The following TTC7B variants were observed in gnomAD, a reference collection of about 807,000 sequenced individuals.
TTC7B encodes tetratricopeptide repeat domain 7B, also known as tetratricopeptide repeat protein 7B.
A neutral mutation model predicts 106.8 loss-of-function variants in TTC7B; 28 were observed. That is an observed-to-expected ratio of 0.26 (90% CI 0.19 to 0.36). The LOEUF (loss-of-function observed/expected upper bound fraction) is 0.36, where lower values mean the gene tolerates loss of function less well. Ranked by LOEUF, TTC7B falls within the 10% of genes least tolerant of loss-of-function variation. The pLI, the probability that TTC7B is intolerant of heterozygous loss-of-function variation, is 1.00. For synonymous variants in TTC7B, 405 were observed against 430.6 expected, an observed-to-expected ratio of 0.94 and a Z score of 0.74; for missense variants, 862 against 1,076.4, an observed-to-expected ratio of 0.80 and a Z score of 2.79.
intron 1 of TTC7B, among the ~76,000 whole-genome samples, chr14:90,796,464 G>A (rs1891779220): frequency 6.6e-6 from 1 of 152,184 alleles, no homozygotes; most frequent in Non-Finnish European, 1.5e-5. Context: ...GAGCCCTGTG[G>A]CTGGCACAGT....
chr14:90,594,097 T>C (rs1049828578), intron 17 of TTC7B, among the ~76,000 whole-genome samples: 3 of 152,194 alleles, frequency 2.0e-5, no homozygotes, highest in Non-Finnish European at 4.4e-5. Flanking sequence ...TCCCGTTTCA[T>C]TAGTGCAAGC....
chr14:90,679,039 C>G (rs1280004593), intron 8 of TTC7B, among the ~76,000 whole-genome samples: 1 of 152,174 alleles, frequency 6.6e-6, no homozygotes. Flanking sequence ...GGTGGGGAAG[C>G]CTGTGGAGAC....
intron 3 of TTC7B, among the ~76,000 whole-genome samples, chr14:90,754,209 G>T (rs1566871389): frequency 6.6e-6 from 1 of 152,186 alleles, no homozygotes; most frequent in Non-Finnish European, 1.5e-5. Flanking sequence ...TGTACAACTG[G>T]TAAGTAAGTG....
At chr14:90,736,642 T>C (rs1889540479) in intron 4 of TTC7B, among the ~76,000 whole-genome samples, 2 of 151,912 alleles carry the variant, frequency 1.3e-5, no homozygotes, top group African/African-American at 2.4e-5. Context: ...CACAGTACTT[T>C]GGGAGACTAA....
At chr14:90,675,671 G>A (rs1034770855) in intron 9 of TTC7B, among the ~76,000 whole-genome samples, 12 of 152,236 alleles carry the variant, frequency 7.9e-5, no homozygotes, top group East Asian at 3.9e-4. Context: ...AGGGTGAGTC[G>A]GGCACTTATC....
At chr14:90,625,920 A>G (rs78424155) in intron 15 of TTC7B, among the ~76,000 whole-genome samples, 1,775 of 152,324 alleles carry the variant, frequency 0.012, 30 homozygotes, top group African/African-American at 0.04. Context: ...CAAAGCTGGA[A>G]AAGGCCTTGA....
intron 1 of TTC7B, among the ~76,000 whole-genome samples, chr14:90,813,687 T>C (rs1032351311): frequency 5.9e-5 from 9 of 151,724 alleles, no homozygotes; most frequent in East Asian, 3.9e-4. Flanking sequence ...TTTTTTTTTT[T>C]CGCCTGTGGT....
intron 3 of TTC7B, among the ~76,000 whole-genome samples, chr14:90,771,052 G>T (rs1211410783): frequency 2.0e-5 from 3 of 152,130 alleles, no homozygotes; most frequent in African/African-American, 7.2e-5. Flanking sequence ...GGGTGGGAGG[G>T]GAATGGGGAG....
At chr14:90,572,443 C>T (rs1891071747) in intron 19 of TTC7B, among the ~76,000 whole-genome samples, 1 of 152,368 alleles carries the variant, frequency 6.6e-6, no homozygotes, top group Non-Finnish European at 1.5e-5. Context: ...ATCTGCCGCA[C>T]CTTCGGGTAT....
At chr14:90,667,318 G>C (rs1306687527) in intron 9 of TTC7B, among the ~76,000 whole-genome samples, 1 of 152,212 alleles carries the variant, frequency 6.6e-6, no homozygotes, top group African/African-American at 2.4e-5. Flanking sequence ...GAGTACTGGA[G>C]TTGCCAAGAC....
At position 90,808,691 on chromosome 14, in the gene TTC7B, TG is replaced by T. The variant is rs985005723; in HGVS notation, c.121+7483del. On this transcript the variant is annotated intron_variant, in intron 1 of 19. Coordinates refer to ENST00000328459, the MANE Select transcript of TTC7B (RefSeq NM_001010854.2). This position sits in a 1 kb window ranked among gnomAD's most constrained non-coding sequence, Gnocchi z 4.2. Reference sequence around the variant, plus strand: ...TCCTTGTCTTGGTGGCTGATGGGAATGCTTTTGAGGTCTCAGAAAACCTCAT... The same window carrying T: ...TCCTTGTCTTGGTGGCTGATGGGAATCTTTTGAGGTCTCAGAAAACCTCAT... 2.6e-5 allele frequency among the ~76,000 whole-genome samples: 4 copies of T among 152,200 alleles called. No individual in the cohort carries two copies. Among genetic ancestry groups the T allele is most frequent in the Non-Finnish European group, 4.4e-5 (3 of 68,022 alleles).
chr14:90,531,650 G>A lies in TTC7B; in HGVS notation c.*9718C>T, dbSNP rs1465538090. The stretch of plus-strand genomic sequence containing the variant: ...AAAAAAAAAAAAAAAAAAAGCCGTG[G>A]GTGAACTGGCTTCATTTCTATACAG... On this transcript the variant is annotated 3_prime_UTR_variant, in exon 20 of 20. Transcript: ENST00000328459. 1.3e-5 allele frequency: 2 copies of A among 151,482 alleles called. No individual in the cohort carries two copies. The highest frequency in any genetic ancestry group is 6.6e-5 in the Admixed American group (1 of 15,186). 9.4% of individuals were successfully genotyped at this position (151,482 alleles called of 1,614,324 possible).
At chr14:90,752,282 C>T (rs1890160459) in intron 3 of TTC7B, among the ~76,000 whole-genome samples, 1 of 152,108 alleles carries the variant, frequency 6.6e-6, no homozygotes. Flanking sequence ...CTTTGGGAGG[C>T]CAAGGTGGGA....
In TTC7B at chr14:90,600,356, G is replaced by A. The variant is rs1364201061; in HGVS notation, c.1967-6730C>T. Among the ~76,000 whole-genome samples, 1 of 152,140 alleles carries A rather than the reference G, an allele frequency of 6.6e-6. No individual in the cohort carries two copies. Among genetic ancestry groups the A allele is most frequent in the Non-Finnish European group, 1.5e-5 (1 of 68,008 alleles). On this transcript the variant is annotated intron_variant, in intron 17 of 19. Transcript: ENST00000328459. This position sits in a 1 kb window ranked among gnomAD's most constrained non-coding sequence, Gnocchi z 4.3. ...TCCATCTGCTGCTTCCCTGGGAGCTGCCCTCGCGCCTTGTGTCCCCCAGTG... is the reference window on the plus strand; with the variant it reads ...TCCATCTGCTGCTTCCCTGGGAGCTACCCTCGCGCCTTGTGTCCCCCAGTG...
chr14:90,715,163 C>A (rs754707922), intron 5 of TTC7B, among the ~76,000 whole-genome samples: 1 of 152,194 alleles, frequency 6.6e-6, no homozygotes, highest in African/African-American at 2.4e-5. Flanking sequence ...GTTCCCAGAC[C>A]CATCCGATGC....
chr14:90,558,352 G>A (rs571413290), intron 19 of TTC7B, among the ~76,000 whole-genome samples: 1 of 152,380 alleles, frequency 6.6e-6, no homozygotes, highest in Non-Finnish European at 1.5e-5. Flanking sequence ...CAACACACAG[G>A]GGGCTGAGAG....
intron 19 of TTC7B, among the ~76,000 whole-genome samples, chr14:90,542,672 G>T (rs1302923712): frequency 8.2e-6 from 1 of 122,460 alleles, no homozygotes; most frequent in Non-Finnish European, 1.6e-5. Flanking sequence ...TTGGTTAAAT[G>T]AAATCTTACA....
At position 90,625,032 on chromosome 14, in the gene TTC7B, G is replaced by A. The variant is rs1055367190; in HGVS notation, c.1752-6987C>T. Among the ~76,000 whole-genome samples, 5 of 152,204 alleles carry A rather than the reference G, an allele frequency of 3.3e-5. No homozygotes were observed. In the South Asian group the frequency reaches 6.2e-4, roughly 19 times the overall value. On this transcript the variant is annotated intron_variant, in intron 15 of 19. Coordinates refer to ENST00000328459, the MANE Select transcript of TTC7B (RefSeq NM_001010854.2). ...TCTCTTGCTGCCTCCTGTCCAGATC[G>A]GGGGAGCTGGAGTGAGGCTGGCTGT... is the stretch of plus-strand genomic sequence containing the variant.
intron 15 of TTC7B, among the ~76,000 whole-genome samples, chr14:90,638,496 T>G (rs753241107): frequency 9.2e-5 from 14 of 152,124 alleles, no homozygotes; most frequent in Non-Finnish European, 1.9e-4. Flanking sequence ...TATAAAAGCA[T>G]GAAAAATTTT....
Sources: gnomAD v4.1 joint callset for allele counts (sites outside exome capture counted in the v4.1 genomes callset) on GRCh38, gnomAD v4.1.1 for gene constraint, Gnocchi (gnomAD v3.1) non-coding constraint, MANE v1.5 for transcripts, NCBI Gene and HGNC (gene_info 2026-07-23, HGNC 2026-07-21) for gene names.